Variants in TERB1 observed in about 807,000 individuals in gnomAD.
TERB1 encodes the protein telomere repeat binding bouquet formation protein 1.
TERB1 carries 63 observed loss-of-function variants against 92.3 expected under a neutral mutation model. The ratio of observed to expected loss-of-function variants is 0.68; its 90% confidence interval spans 0.56 to 0.84. TERB1 has a LOEUF of 0.84. Among genes scored for constraint, TERB1 ranks in the 40% least tolerant of loss-of-function variants. The probability of loss-of-function intolerance (pLI) is 0.00; values close to 1 mark genes in which losing one functional copy is unlikely to be tolerated. For synonymous variants in TERB1, 252 were observed against 283.9 expected (o/e 0.89, Z 1.13); for missense variants, 709 against 843.7 (o/e 0.84, Z 1.98).
In TERB1 at chr16:66,770,259, T is replaced by C. The variant is rs931630957; in HGVS notation, c.1323A>G (p.Ile441Met). ...GATGTTTCCATGTATTCTGAATACT[T>C]ATGTTCATAGATGAAATATTATCCT... Reference protein sequence around the residue: ...NYQDNISSMNISIQNTWKHLH... With the variant: ...NYQDNISSMNMSIQNTWKHLH... The change falls in exon 14 of 19, where the codon ATA becomes ATG. Residue 441 changes from isoleucine to methionine, a missense_variant. Transcript: ENST00000433154. 5 of 1,551,538 alleles carry C rather than the reference T, an allele frequency of 3.2e-6. No homozygotes were observed. In the African/African-American group the frequency reaches 6.8e-5, roughly 21 times the overall value.
At chr16:66,762,688 CTTT>C (rs938590342) in intron 16 of TERB1, among the ~76,000 whole-genome samples, 1 of 136,962 alleles carries the variant, frequency 7.3e-6, no homozygotes, top group East Asian at 2.2e-4. Context: ...CCAGCCGGGA[CTTT>C]TTTTTTTTCT....
At chr16:66,795,638 A>C (rs965663032) in intron 3 of TERB1, among the ~76,000 whole-genome samples, 7 of 152,252 alleles carry the variant, frequency 4.6e-5, no homozygotes, top group African/African-American at 1.4e-4. Context: ...GTTATCCCCT[A>C]TCTCTCCAGT....
intron 9 of TERB1, among the ~76,000 whole-genome samples, chr16:66,782,477 G>C (rs1464212376): frequency 2.6e-5 from 4 of 151,648 alleles, no homozygotes; most frequent in Admixed American, 1.3e-4. Context: ...TTGAGCCTGG[G>C]AGGTGGAGGT....
At chr16:66,769,430 T>C (rs1199667963) in intron 14 of TERB1, among the ~76,000 whole-genome samples, 1 of 152,132 alleles carries the variant, frequency 6.6e-6, no homozygotes, top group Non-Finnish European at 1.5e-5. Flanking sequence ...AATAAAGGGT[T>C]TAAGAAAAGC....
intron 12 of TERB1, 43 bp downstream of exon 12, chr16:66,775,075 A>T: frequency 1.3e-6 from 2 of 1,540,226 alleles, no homozygotes; most frequent in Non-Finnish European, 1.8e-6. Context: ...ATTCTCCTTT[A>T]TAAACTTTGG....
At chr16:66,759,693 G>A (rs1165422879) in intron 16 of TERB1, among the ~76,000 whole-genome samples, 6 of 150,926 alleles carry the variant, frequency 4.0e-5, no homozygotes, top group African/African-American at 1.5e-4. Context: ...AACTGCTTGG[G>A]AGGCTGGGGC....
intron 16 of TERB1, among the ~76,000 whole-genome samples, chr16:66,760,558 C>T (rs1194329392): frequency 5.7e-5 from 7 of 122,428 alleles, no homozygotes; most frequent in South Asian, 3.1e-4. Flanking sequence ...GAGGCTGAGG[C>T]GGGCTGATCA....
At chr16:66,774,450 G>A (rs987241510) in intron 12 of TERB1, among the ~76,000 whole-genome samples, 3 of 152,104 alleles carry the variant, frequency 2.0e-5, no homozygotes, top group Non-Finnish European at 4.4e-5. Flanking sequence ...CTCCCAAAGT[G>A]CTGGGATTAC....
At chr16:66,758,470 A>G (rs191000431) in intron 18 of TERB1, 2 of 247,770 alleles carry the variant, frequency 8.1e-6, no homozygotes, top group Non-Finnish European at 1.6e-5. Context: ...GCCAGGTGCA[A>G]TGGCTCATGC....
intron 13 of TERB1, among the ~76,000 whole-genome samples, chr16:66,771,049 C>G (rs906742873): frequency 5.9e-5 from 9 of 151,848 alleles, no homozygotes; most frequent in African/African-American, 2.2e-4. Flanking sequence ...CAGGGTTTTG[C>G]CATGTTGCCC....
At chr16:66,759,094 A>G in intron 17 of TERB1, 47 bp downstream of exon 17, 1 of 1,405,194 alleles carries the variant, frequency 7.1e-7, no homozygotes, top group Non-Finnish European at 9.6e-7. Context: ...ATAATAGTTC[A>G]GAAGGTATAG....
rs898801941 is a variant in TERB1 at position 66,796,792 on chromosome 16, T to C, written c.7A>G (p.Ser3Gly). 2 of 1,534,328 alleles carry C rather than the reference T, an allele frequency of 1.3e-6. No individual in the cohort carries two copies. Among genetic ancestry groups the C allele is most frequent in the Non-Finnish European group, 1.8e-6 (2 of 1,131,776 alleles). Reference protein sequence around the residue: MESEDTKKTQEMK... With the variant: MEGEDTKKTQEMK... The stretch of plus-strand genomic sequence containing the variant: ...CCTTGTGTTTTCTTTGTGTCTTCAC[T>C]TTCCATGCTTGTCTATATTCTTTTT... The change falls in exon 3 of 19, where the codon AGT becomes GGT. Residue 3 changes from serine to glycine, a missense_variant. Physicochemically the swap from Ser to Gly is moderately conservative, Grantham distance 56. Transcript: ENST00000433154.
intron 2 of TERB1, among the ~76,000 whole-genome samples, chr16:66,798,080 A>G (rs981783194): frequency 1.3e-5 from 2 of 152,020 alleles, no homozygotes; most frequent in African/African-American, 4.8e-5. Flanking sequence ...AAAGAAAAAA[A>G]AAAAAAGAAA....
At chr16:66,760,456 C>CA (rs1338924292) in intron 16 of TERB1, among the ~76,000 whole-genome samples, 727 of 36,046 alleles carry the variant, frequency 0.02, 8 homozygotes, top group Middle Eastern at 0.058. Context: ...GACTCCATCT[C>CA]AAAAAAAAAA....
chr16:66,755,300 A>G (rs1597004152), intron 18 of TERB1, 137 bp from the exon 19 acceptor site: 2 of 620,494 alleles, frequency 3.2e-6, no homozygotes, highest in East Asian at 5.6e-5. Context: ...GCTTCTCATC[A>G]TGTGGAAACC....
chr16:66,771,146 C>G (rs750897873), intron 13 of TERB1, among the ~76,000 whole-genome samples: 3 of 152,062 alleles, frequency 2.0e-5, no homozygotes, highest in Non-Finnish European at 4.4e-5. Flanking sequence ...CATGGAAAAG[C>G]AGGCACAGAA....
In TERB1 at chr16:66,772,737, G is replaced by C; in HGVS notation, c.1124C>G (p.Ser375Cys). The C allele has an allele frequency of 6.5e-7, 1 of 1,540,824 alleles. No homozygotes were observed. Residue 375 changes from serine (S) to cysteine (C), a missense_variant, in exon 13 of 19, where the codon TCT becomes TGT. Ser to Cys is a moderately radical substitution (Grantham distance 112, BLOSUM62 -1). Coordinates refer to ENST00000433154, the MANE Select transcript of TERB1 (RefSeq NM_001136505.2). Reference protein sequence around the residue: ...HNCKKITEKLSLSLGEYPFDE... With the variant: ...HNCKKITEKLCLSLGEYPFDE... ...AAAAGGATATTCTCCTAGACTTAGA[G>C]ATAATTTCTCAGCTTTGTAGTATGG...
chr16:66,785,303 A>G (rs1035376335), intron 9 of TERB1, among the ~76,000 whole-genome samples: 2 of 152,200 alleles, frequency 1.3e-5, no homozygotes, highest in Non-Finnish European at 2.9e-5. Context: ...TCAGTCTTCC[A>G]AAGTGCTGGG....
chr16:66,788,091 G>T, intron 6 of TERB1, 78 bp downstream of exon 6: 1 of 1,147,212 alleles, frequency 8.7e-7, no homozygotes, highest in Non-Finnish European at 1.2e-6. Flanking sequence ...ACTGATATAA[G>T]AACTCAAATA....
Sources: allele counts gnomAD v4.1 joint callset (sites outside exome capture counted in the v4.1 genomes callset), GRCh38; gene constraint gnomAD v4.1.1; transcripts MANE v1.5; gene names NCBI Gene and HGNC (gene_info 2026-07-23, HGNC 2026-07-21).